Variants in PLN observed in about 807,000 individuals in gnomAD.
The protein encoded by PLN is phospholamban.
PLN carries 1 observed loss-of-function variant against 3.9 expected under a neutral mutation model. That is an observed-to-expected ratio of 0.26 (90% CI 0.09 to 1.23). The LOEUF (loss-of-function observed/expected upper bound fraction) is 1.23. Among genes scored for constraint, PLN ranks in the 50% most tolerant of loss-of-function variants. The probability of loss-of-function intolerance (pLI) is 0.48; values close to 1 mark genes in which losing one functional copy is unlikely to be tolerated. For missense variants in PLN, 59 were observed against 62.7 expected, an observed-to-expected ratio of 0.94 and a Z score of 0.20; for synonymous variants, 21 against 20.5, an observed-to-expected ratio of 1.02 and a Z score of -0.07.
chr6:118,557,310 T>A (rs185050144), intron 1 of PLN, among the ~76,000 whole-genome samples: 10 of 152,336 alleles, frequency 6.6e-5, no homozygotes, highest in African/African-American at 1.9e-4. Context: ...CAGTGACTGA[T>A]CAAACCAATT....
At chr6:118,552,112 A>G (rs952041779) in intron 1 of PLN, among the ~76,000 whole-genome samples, 1 of 152,054 alleles carries the variant, frequency 6.6e-6, no homozygotes, top group African/African-American at 2.4e-5. Context: ...AAAACATCCT[A>G]GAGTATATCA....
At chr6:118,553,634 A>C (rs1464327589) in intron 1 of PLN, among the ~76,000 whole-genome samples, 1 of 152,204 alleles carries the variant, frequency 6.6e-6, no homozygotes, top group Non-Finnish European at 1.5e-5. Flanking sequence ...ACAGGATACT[A>C]TTTTTGGTCA....
intron 1 of PLN, among the ~76,000 whole-genome samples, chr6:118,554,367 G>A (rs1253676239): frequency 1.3e-5 from 2 of 152,074 alleles, no homozygotes; most frequent in Non-Finnish European, 2.9e-5. Context: ...AGCTGGTCTC[G>A]AACTCCTGGG....
intron 1 of PLN, among the ~76,000 whole-genome samples, chr6:118,557,031 A>G (rs1420535193): frequency 1.3e-5 from 2 of 152,168 alleles, no homozygotes; most frequent in Non-Finnish European, 2.9e-5. Context: ...TGTAAATAGG[A>G]TATGTCTGTG....
chr6:118,551,370 G>A (rs370820097), intron 1 of PLN, among the ~76,000 whole-genome samples: 2 of 140,402 alleles, frequency 1.4e-5, no homozygotes, highest in East Asian at 3.9e-4. Flanking sequence ...ATTAATAGGG[G>A]GTATATTTAT....
rs1195816758 is a variant in PLN, at chr6:118,548,340, G to GT, written c.-149dup. On this transcript the variant is annotated 5_prime_UTR_variant, in exon 1 of 2. Transcript: ENST00000357525. Reference sequence around the variant, plus strand: ...CAGAAAACTCCCCAGCTAAACACCCGTAAGACTTCATACAACACAATACTC... The same window carrying GT: ...CAGAAAACTCCCCAGCTAAACACCCGTTAAGACTTCATACAACACAATACTC... 2.0e-5 allele frequency: 3 copies of GT among 151,990 alleles called. No homozygotes were observed. The highest frequency in any genetic ancestry group is 4.8e-5 in the African/African-American group (2 of 41,386). 9.4% of individuals were successfully genotyped at this position (151,990 alleles called of 1,614,324 possible).
At chr6:118,553,478 T>C (rs2114940224) in intron 1 of PLN, among the ~76,000 whole-genome samples, 1 of 152,226 alleles carries the variant, frequency 6.6e-6, no homozygotes, top group African/African-American at 2.4e-5. Flanking sequence ...ACATTTCAGA[T>C]GATAACTGTA....
rs572761069 is a variant in PLN, at chr6:118,549,680, TA to T, written c.-98+1292del. On this transcript the variant is annotated intron_variant, in intron 1 of 1. Transcript: ENST00000357525. ...CTCATATTTTTCCTTTGATAGTACA[TA>T]AAAGTCATTCAGTGTAGGTGTCTTA... 3.3e-5 allele frequency among the ~76,000 whole-genome samples: 5 copies of T among 151,972 alleles called. No homozygotes were observed. In the South Asian group the frequency reaches 8.3e-4, roughly 25 times the overall value.
chr6:118,555,618 A>T (rs1282853868), intron 1 of PLN, among the ~76,000 whole-genome samples: 2 of 152,200 alleles, frequency 1.3e-5, no homozygotes, highest in African/African-American at 4.8e-5. Context: ...AAAAGTCATT[A>T]AATATATGTC....
At position 118,559,476 on chromosome 6, in the gene PLN, G is replaced by GGA. The variant is rs1779100609; in HGVS notation, c.*396_*397insGA. ...AGGTGAATATAATTTATATTACAAT[G>GGA]TAAAAGCTTCTTTAATACTAAGTAT... is the stretch of plus-strand genomic sequence containing the variant. On this transcript the variant is annotated 3_prime_UTR_variant, in exon 2 of 2. Coordinates refer to ENST00000357525, the MANE Select transcript of PLN (RefSeq NM_002667.5). 4.1e-6 allele frequency: 1 copy of GGA among 241,742 alleles called. No individual in the cohort carries two copies. The highest frequency in any genetic ancestry group is 2.3e-5 in the African/African-American group (1 of 43,054). 15.0% of individuals were successfully genotyped at this position (241,742 alleles called of 1,614,324 possible).
chr6:118,548,719 T>C (rs893392625), intron 1 of PLN, among the ~76,000 whole-genome samples: 3 of 152,080 alleles, frequency 2.0e-5, no homozygotes, highest in Admixed American at 1.3e-4. Flanking sequence ...TATGTTACCA[T>C]ATTTGGTAGT....
At chr6:118,556,135 GAA>G (rs1186459808) in intron 1 of PLN, among the ~76,000 whole-genome samples, 5 of 152,174 alleles carry the variant, frequency 3.3e-5, no homozygotes, top group African/African-American at 4.8e-5. Flanking sequence ...CTTTACGGCA[GAA>G]AGATTTACAC....
intron 1 of PLN, among the ~76,000 whole-genome samples, chr6:118,553,135 A>G (rs962690263): frequency 1.3e-5 from 2 of 152,016 alleles, no homozygotes; most frequent in Non-Finnish European, 2.9e-5. Context: ...AGATCAGATA[A>G]CATGAAAATA....
chr6:118,558,626 T>TACACACACACACACAC (rs371775061), intron 1 of PLN, among the ~76,000 whole-genome samples, 199 bp from the exon 2 acceptor site: 23 of 111,660 alleles, frequency 2.1e-4, no homozygotes, highest in African/African-American at 6.5e-4. Flanking sequence ...CACGTGCACA[T>TACACACACACACACAC]ACACACACAC....
chr6:118,559,147 C>A lies in PLN; in HGVS notation c.*67C>A. On this transcript the variant is annotated 3_prime_UTR_variant, in exon 2 of 2. Transcript: ENST00000357525. ...CTTAAAATCTGTCATCCCATGCAGA[C>A]AGGAAAACAATATTGTATAACAGAC... 8.5e-7 allele frequency: 1 copy of A among 1,176,858 alleles called. No homozygotes were observed. The highest frequency in any genetic ancestry group is 1.2e-5 in the South Asian group (1 of 82,242). 72.9% of individuals were successfully genotyped at this position (1,176,858 alleles called of 1,614,324 possible).
chr6:118,548,424 TCTTA>T (rs1308038464), intron 1 of PLN, 32 bp downstream of exon 1: 1 of 152,152 alleles, frequency 6.6e-6, no homozygotes, highest in Non-Finnish European at 1.5e-5. Context: ...CTTTGGTAAT[TCTTA>T]CTTTCTATAA....
At position 118,561,055 on chromosome 6, in the gene PLN, A is replaced by C. The variant is rs549431405; in HGVS notation, c.*1975A>C. Among the ~76,000 whole-genome samples the C allele has an allele frequency of 9.7e-4, 147 of 152,302 alleles. No individual in the cohort carries two copies. Among genetic ancestry groups the C allele is most frequent in the African/African-American group, 3.4e-3 (141 of 41,574 alleles). On this transcript the variant is annotated 3_prime_UTR_variant, in exon 2 of 2. Coordinates refer to ENST00000357525, the MANE Select transcript of PLN (RefSeq NM_002667.5). Reference sequence around the variant, plus strand: ...ACAAGTGTTGCTAACTCAATAGTGAAGGAGACACTATTAAATTTTCTGAAC... The same window carrying C: ...ACAAGTGTTGCTAACTCAATAGTGACGGAGACACTATTAAATTTTCTGAAC...
chr6:118,549,581 T>C (rs1430389254), intron 1 of PLN, among the ~76,000 whole-genome samples: 3 of 151,840 alleles, frequency 2.0e-5, no homozygotes, highest in African/African-American at 7.2e-5. Flanking sequence ...TGTAAGCAGC[T>C]TTCCTTAAGA....
chr6:118,554,802 G>C (rs975166598), intron 1 of PLN, among the ~76,000 whole-genome samples: 1 of 152,174 alleles, frequency 6.6e-6, no homozygotes, highest in Non-Finnish European at 1.5e-5. Flanking sequence ...ACAATCAAAA[G>C]GTGGAGAACA....
Sources: gnomAD v4.1 joint callset for allele counts (sites outside exome capture counted in the v4.1 genomes callset) on GRCh38, gnomAD v4.1.1 for gene constraint, MANE v1.5 for transcripts, NCBI Gene and HGNC (gene_info 2026-07-23, HGNC 2026-07-21) for gene names.